Variants in TCF20 observed in about 807,000 individuals in gnomAD.
TCF20 encodes the protein SPRE-binding protein.
Under a neutral mutation model 148.6 loss-of-function variants are expected in TCF20, and 3 were observed. The observed-to-expected ratio is 0.02, with a 90% CI of 0.01 to 0.05. The LOEUF (loss-of-function observed/expected upper bound fraction) is 0.05. TCF20 is among the 10% of genes least tolerant of loss of function. The pLI is 1.00. For synonymous variants in TCF20, 1,049 were observed against 909.5 expected (o/e 1.15, Z -2.76); for missense variants, 2,350 against 2,429.3 (o/e 0.97, Z 0.69).
chr22:42,239,043 G>A (rs906516919), intron 1 of TCF20, among the ~76,000 whole-genome samples: 5 of 150,992 alleles, frequency 3.3e-5, no homozygotes, highest in South Asian at 2.1e-4. Context: ...GCGTGAACGC[G>A]GCAGGCAGAG....
chr22:42,300,958 G>A (rs1927325998), intron 1 of TCF20, among the ~76,000 whole-genome samples: 1 of 152,170 alleles, frequency 6.6e-6, no homozygotes, highest in Non-Finnish European at 1.5e-5. Flanking sequence ...CACCTTCAGA[G>A]GCCAGGACAG....
chr22:42,286,143 G>C (rs1236493617), upstream of TCF20, among the ~76,000 whole-genome samples: 1 of 152,170 alleles, frequency 6.6e-6, no homozygotes, highest in East Asian at 1.9e-4. Context: ...TCCCTTCAGA[G>C]GGTCTCAGCA....
chr22:42,282,269 C>T (rs1297763506), intron 1 of TCF20, among the ~76,000 whole-genome samples: 4 of 152,230 alleles, frequency 2.6e-5, no homozygotes, highest in Admixed American at 2.6e-4. Context: ...AAACTCACTC[C>T]ACCATGCCCT....
At chr22:42,252,777 C>G (rs761390077) in intron 1 of TCF20, among the ~76,000 whole-genome samples, 14 of 152,064 alleles carry the variant, frequency 9.2e-5, no homozygotes, top group Non-Finnish European at 1.9e-4. Flanking sequence ...AACTGAAACA[C>G]TAGAGTAACA....
rs868726026 is a variant in TCF20 at position 42,161,155 on chromosome 22, C to T, written c.*248G>A. 42 of 308,862 alleles carry T rather than the reference C, an allele frequency of 1.4e-4. No homozygotes were observed. The Middle Eastern group carries it at 3.5e-3, about 26-fold the overall frequency. 19.1% of individuals were successfully genotyped at this position (308,862 alleles called of 1,614,324 possible). A position where few individuals can be genotyped will look rare whatever the true frequency, so the allele number is the denominator to read the frequency against. On this transcript the variant is annotated 3_prime_UTR_variant, in exon 6 of 6. Transcript: ENST00000677622. ...CACATTGTCACTATGGAGATTGTGT[C>T]CATGGAAACAGCCATTCCAACGTCT...
intron 1 of TCF20, among the ~76,000 whole-genome samples, chr22:42,329,791 T>TC (rs1927938129): frequency 6.6e-6 from 1 of 151,450 alleles, no homozygotes; most frequent in South Asian, 2.1e-4. Context: ...CCCTTGCCAC[T>TC]CCCCCCACCG....
intron 1 of TCF20, among the ~76,000 whole-genome samples, chr22:42,311,202 G>A (rs973335309): frequency 1.3e-5 from 2 of 152,214 alleles, no homozygotes; most frequent in Non-Finnish European, 2.9e-5. Context: ...GGCAGGCTCT[G>A]GGCAGGGGTC....
intron 1 of TCF20, among the ~76,000 whole-genome samples, chr22:42,263,500 T>G (rs543611830): frequency 2.0e-4 from 31 of 152,300 alleles, no homozygotes; most frequent in Non-Finnish European, 3.8e-4. Context: ...CTTAACTCTT[T>G]TTCAATTCTA....
At chr22:42,303,808 T>A (rs1601699852) in intron 1 of TCF20, among the ~76,000 whole-genome samples, 1 of 114,952 alleles carries the variant, frequency 8.7e-6, no homozygotes, top group African/African-American at 3.5e-5. Flanking sequence ...AGCATAGAGG[T>A]GAGAGGAGGA....
chr22:42,161,149 T>G lies in TCF20; in HGVS notation c.*254A>C. ...TCCCCCCACATTGTCACTATGGAGA[T>G]TGTGTCCATGGAAACAGCCATTCCA... On this transcript the variant is annotated 3_prime_UTR_variant, in exon 6 of 6. Coordinates refer to ENST00000677622, the MANE Select transcript of TCF20 (RefSeq NM_001378418.1). The G allele has an allele frequency of 3.0e-6, 1 of 328,526 alleles. No homozygotes were observed. The highest frequency in any genetic ancestry group is 7.8e-5 in the East Asian group (1 of 12,792). The allele number at this position is 328,526 out of a possible 1,614,324, so 20.4% of individuals were successfully genotyped here.
chr22:42,193,109 C>T (rs1182393233), intron 2 of TCF20, among the ~76,000 whole-genome samples: 1 of 151,798 alleles, frequency 6.6e-6, no homozygotes, highest in Non-Finnish European at 1.5e-5. Flanking sequence ...AAGATTCCTA[C>T]CAGATTAGGA....
intron 2 of TCF20, among the ~76,000 whole-genome samples, chr22:42,200,088 T>C (rs1198303800): frequency 6.6e-6 from 1 of 152,254 alleles, no homozygotes; most frequent in Non-Finnish European, 1.5e-5. Flanking sequence ...AGCAAGCAGT[T>C]ATTTAAAATG....
chr22:42,162,482 G>A (rs1157303735), intron 5 of TCF20, among the ~76,000 whole-genome samples: 2 of 152,152 alleles, frequency 1.3e-5, no homozygotes, highest in African/African-American at 4.8e-5. Context: ...GATGGCCCAC[G>A]TAGGACAGAT....
chr22:42,218,622 T>A (rs995682395), intron 1 of TCF20, among the ~76,000 whole-genome samples: 1 of 152,204 alleles, frequency 6.6e-6, no homozygotes, highest in Non-Finnish European at 1.5e-5. Context: ...TACATGTTGT[T>A]TAATTAATCC....
At chr22:42,256,035 C>G (rs756781360) in intron 1 of TCF20, among the ~76,000 whole-genome samples, 7 of 152,110 alleles carry the variant, frequency 4.6e-5, no homozygotes, top group Non-Finnish European at 5.9e-5. Flanking sequence ...TAGGAATGCT[C>G]TTTCTCCACT....
At chr22:42,196,486 CAG>C (rs1226900777) in intron 2 of TCF20, among the ~76,000 whole-genome samples, 1 of 152,164 alleles carries the variant, frequency 6.6e-6, no homozygotes, top group African/African-American at 2.4e-5. Flanking sequence ...AACAAGCAAA[CAG>C]AATAATTTGG....
At chr22:42,163,512 T>G (rs1362811662) in intron 5 of TCF20, among the ~76,000 whole-genome samples, 3 of 152,228 alleles carry the variant, frequency 2.0e-5, no homozygotes, top group Non-Finnish European at 4.4e-5. Context: ...TGCCAGGCCC[T>G]GGGCTAGAAG....
chr22:42,335,332 C>T (rs1019816371), intron 1 of TCF20, among the ~76,000 whole-genome samples: 1 of 152,172 alleles, frequency 6.6e-6, no homozygotes, highest in Non-Finnish European at 1.5e-5. Flanking sequence ...TCTCTGGCAC[C>T]ACTCAGCTTT....
chr22:42,221,110 T>G (rs911307564), intron 1 of TCF20, among the ~76,000 whole-genome samples: 1 of 152,210 alleles, frequency 6.6e-6, no homozygotes, highest in African/African-American at 2.4e-5. Flanking sequence ...AGCATGGTTC[T>G]GGGTTAGAGT....
Sources: gnomAD v4.1 joint callset for allele counts (sites outside exome capture counted in the v4.1 genomes callset) on GRCh38, gnomAD v4.1.1 for gene constraint, MANE v1.5 for transcripts, NCBI Gene and HGNC (gene_info 2026-07-23, HGNC 2026-07-21) for gene names.